Variants in MAP2K1 observed in about 807,000 individuals in gnomAD.
The protein encoded by MAP2K1 is dual specificity mitogen-activated protein kinase kinase 1.
MAP2K1 carries 16 observed loss-of-function variants against 46.3 expected under a neutral mutation model. The observed-to-expected ratio is 0.35, with a 90% CI of 0.23 to 0.52. The LOEUF is 0.52. Among genes scored for constraint, MAP2K1 ranks in the 20% least tolerant of loss-of-function variants. The pLI, the probability that MAP2K1 is intolerant of heterozygous loss-of-function variation, is 0.94. For missense variants in MAP2K1, 263 were observed against 497.1 expected (o/e 0.53, Z 4.48); for synonymous variants, 183 against 185.6 (o/e 0.99, Z 0.11).
At chr15:66,426,609 G>A (rs921093035) in intron 1 of MAP2K1, among the ~76,000 whole-genome samples, 1 of 152,124 alleles carries the variant, frequency 6.6e-6, no homozygotes, top group Non-Finnish European at 1.5e-5. Flanking sequence ...AAGGACATTG[G>A]CACTCTCAGG....
At chr15:66,425,323 G>C (rs955082806) in intron 1 of MAP2K1, among the ~76,000 whole-genome samples, 9 of 152,210 alleles carry the variant, frequency 5.9e-5, no homozygotes, top group African/African-American at 1.9e-4. Context: ...AGGAGAAGCT[G>C]TGCTTCAATA....
At chr15:66,391,199 G>A (rs1872760199) in intron 1 of MAP2K1, among the ~76,000 whole-genome samples, 1 of 151,976 alleles carries the variant, frequency 6.6e-6, no homozygotes, top group African/African-American at 2.4e-5. Context: ...GCGCTCACCT[G>A]AGCTTTTAAT....
chr15:66,401,877 G>A (rs1417584917), intron 1 of MAP2K1: 2 of 778,374 alleles, frequency 2.6e-6, no homozygotes, highest in Non-Finnish European at 4.0e-6. Flanking sequence ...CCTGGGATGT[G>A]CAGAGAAGCC....
At chr15:66,395,521 C>G (rs1202627139) in intron 1 of MAP2K1, among the ~76,000 whole-genome samples, 1 of 151,194 alleles carries the variant, frequency 6.6e-6, no homozygotes, top group Non-Finnish European at 1.5e-5. Flanking sequence ...TCTGGTCTTG[C>G]TGACATGGTT....
At chr15:66,402,928 C>T (rs1185628243) in intron 1 of MAP2K1, among the ~76,000 whole-genome samples, 2 of 152,192 alleles carry the variant, frequency 1.3e-5, no homozygotes, top group Non-Finnish European at 1.5e-5. Flanking sequence ...CGAGGTTTCT[C>T]AAGGACCTCC....
At chr15:66,453,329 G>T (rs1215152489) in intron 5 of MAP2K1, 1 of 592,564 alleles carries the variant, frequency 1.7e-6, no homozygotes, top group African/African-American at 1.9e-5. Flanking sequence ...AGCCAGATGG[G>T]TCTCTGAACA....
intron 1 of MAP2K1, among the ~76,000 whole-genome samples, chr15:66,397,206 G>T (rs912200519): frequency 3.9e-4 from 58 of 149,594 alleles, no homozygotes; most frequent in Middle Eastern, 7.1e-3. Context: ...AGGTTTCACC[G>T]TGTAGCCAGG....
intron 1 of MAP2K1, among the ~76,000 whole-genome samples, chr15:66,424,988 GT>G (rs959111891): frequency 5.9e-5 from 9 of 151,782 alleles, no homozygotes; most frequent in Non-Finnish European, 1.3e-4. Context: ...TAGAGACAGG[GT>G]TTCTCCATGT....
At chr15:66,392,264 T>TTTTTG in intron 1 of MAP2K1, among the ~76,000 whole-genome samples, 1 of 130,522 alleles carries the variant, frequency 7.7e-6, no homozygotes, top group East Asian at 2.1e-4. Flanking sequence ...GGTTTTTTTT[T>TTTTTG]TTTTTTTTTT....
chr15:66,415,940 G>GT (rs2093423601), intron 1 of MAP2K1, among the ~76,000 whole-genome samples: 1 of 152,070 alleles, frequency 6.6e-6, no homozygotes, highest in Admixed American at 6.6e-5. Flanking sequence ...GCACACATTA[G>GT]TTTTTTTAGG....
chr15:66,410,874 T>C (rs2093409691), intron 1 of MAP2K1, among the ~76,000 whole-genome samples: 1 of 152,214 alleles, frequency 6.6e-6, no homozygotes, highest in African/African-American at 2.4e-5. Context: ...TCTGCTTTAC[T>C]AGCTACATTG....
intron 5 of MAP2K1, among the ~76,000 whole-genome samples, chr15:66,446,022 G>A (rs1329060820): frequency 6.6e-6 from 1 of 152,140 alleles, no homozygotes; most frequent in Non-Finnish European, 1.5e-5. Flanking sequence ...TCAGGAGTTT[G>A]AGACCACCCT....
intron 1 of MAP2K1, among the ~76,000 whole-genome samples, chr15:66,416,776 G>T (rs999824030): frequency 6.6e-6 from 1 of 152,124 alleles, no homozygotes; most frequent in Non-Finnish European, 1.5e-5. Flanking sequence ...GGAAGGTTTG[G>T]GGTGGGGAGG....
chr15:66,478,197 C>T (rs1423407718), intron 5 of MAP2K1, among the ~76,000 whole-genome samples: 2 of 150,772 alleles, frequency 1.3e-5, no homozygotes, highest in Non-Finnish European at 2.9e-5. Context: ...CACCCTGTCA[C>T]AACAGTACCC....
chr15:66,456,101 A>G (rs1175072859), intron 5 of MAP2K1, among the ~76,000 whole-genome samples: 1 of 152,204 alleles, frequency 6.6e-6, no homozygotes, highest in Admixed American at 6.5e-5. Flanking sequence ...CCCATCAAAG[A>G]GAAGTAATTC....
At chr15:66,426,378 TTA>T (rs1292991969) in intron 1 of MAP2K1, among the ~76,000 whole-genome samples, 1 of 150,464 alleles carries the variant, frequency 6.6e-6, no homozygotes, top group Non-Finnish European at 1.5e-5. Flanking sequence ...AAAAAAACCT[TTA>T]TAATTACTTG....
chr15:66,445,016 A>T, intron 5 of MAP2K1: 1 of 410,714 alleles, frequency 2.4e-6, no homozygotes, highest in Non-Finnish European at 4.5e-6. Flanking sequence ...AACAGTGAAC[A>T]GTGCATGTGC....
At chr15:66,389,573 T>G (rs200955724) in intron 1 of MAP2K1, among the ~76,000 whole-genome samples, 759 of 16,460 alleles carry the variant, frequency 0.046, 6 homozygotes, top group East Asian at 0.067. Flanking sequence ...TCTGTTGTGG[T>G]TTTTTTTTTT....
At chr15:66,415,217 C>T in intron 1 of MAP2K1, 1 of 482,078 alleles carries the variant, frequency 2.1e-6, no homozygotes, top group Non-Finnish European at 4.1e-6. Flanking sequence ...TCCTGGTGTC[C>T]ACTGTCCCTG....
Sources: gnomAD v4.1 joint callset for allele counts (sites outside exome capture counted in the v4.1 genomes callset) on GRCh38, gnomAD v4.1.1 for gene constraint, MANE v1.5 for transcripts, NCBI Gene and HGNC (gene_info 2026-07-23, HGNC 2026-07-21) for gene names.